SYNPR: variants seen among roughly 807,000 people sequenced by gnomAD.
The protein encoded by SYNPR is synaptoporin.
Under a neutral mutation model 32.9 loss-of-function variants are expected in SYNPR, and 23 were observed. That is an observed-to-expected ratio of 0.70 (90% CI 0.50 to 0.99). The LOEUF (loss-of-function observed/expected upper bound fraction) is 0.99, where lower values mean the gene tolerates loss of function less well. Among genes scored for constraint, SYNPR ranks in the 50% least tolerant of loss-of-function variants. SYNPR has a pLI of 0.00. For missense variants in SYNPR, 318 were observed against 349.3 expected (o/e 0.91, Z 0.71); for synonymous variants, 146 against 135.9 (o/e 1.07, Z -0.52).
chr3:63,361,875 G>A (rs1267284976), intron 2 of SYNPR, among the ~76,000 whole-genome samples: 2 of 151,930 alleles, frequency 1.3e-5, no homozygotes, highest in Non-Finnish European at 2.9e-5. Flanking sequence ...TAAGAAATTG[G>A]TGGCCTTATG....
At chr3:63,365,013 G>T (rs1465985357) in intron 2 of SYNPR, among the ~76,000 whole-genome samples, 1 of 152,152 alleles carries the variant, frequency 6.6e-6, no homozygotes, top group Non-Finnish European at 1.5e-5. Flanking sequence ...GTTGACTTTG[G>T]AGAGTCTAAA....
At chr3:63,205,023 C>T in the SYNPR span, among the ~76,000 whole-genome samples, 1 of 152,120 alleles carries the variant, frequency 6.6e-6, no homozygotes, top group Admixed American at 6.5e-5. Context: ...TGACTGTTCC[C>T]TCACCTCTGT....
chr3:63,277,829 G>A (rs1332495755), upstream of SYNPR, among the ~76,000 whole-genome samples: 1 of 152,108 alleles, frequency 6.6e-6, no homozygotes, highest in Non-Finnish European at 1.5e-5. Context: ...CCTGGGGGAA[G>A]TGACAATGCT....
intron 3 of SYNPR, among the ~76,000 whole-genome samples, chr3:63,513,616 A>C (rs1701738039): frequency 6.6e-6 from 1 of 152,158 alleles, no homozygotes; most frequent in South Asian, 2.1e-4. Flanking sequence ...TTTATTATTT[A>C]TTGTTCAACA....
In SYNPR at chr3:63,481,864, C is replaced by T. The variant is rs538279293; in HGVS notation, c.209+908C>T. On this transcript the variant is annotated intron_variant, in intron 3 of 5. Coordinates refer to ENST00000478300, the MANE Select transcript of SYNPR (RefSeq NM_001130003.2). ...ATGAAAACTGCCAATGGCCGGGCAGCGGGGCTGGGATGCTTGGTAACATTA... is the reference window on the plus strand; with the variant it reads ...ATGAAAACTGCCAATGGCCGGGCAGTGGGGCTGGGATGCTTGGTAACATTA... Among the ~76,000 whole-genome samples the T allele has an allele frequency of 9.2e-5, 14 of 152,162 alleles. No individual in the cohort carries two copies. The South Asian group carries it at 2.1e-3, about 23-fold the overall frequency.
intron 2 of SYNPR, among the ~76,000 whole-genome samples, chr3:63,450,010 G>T (rs1210173998): frequency 6.6e-6 from 1 of 152,102 alleles, no homozygotes; most frequent in Non-Finnish European, 1.5e-5. Flanking sequence ...CTATTTCATG[G>T]GGAAAAAGGT....
Position 63,364,015 on chromosome 3 carries a change from T to G in SYNPR, c.84+85273T>G, listed in dbSNP as rs538996898. The stretch of plus-strand genomic sequence containing the variant: ...ACCCCTGACGATGCAGATCCCCTGA[T>G]GTAGAAGGGTGAGAAAATATTAACA... On this transcript the variant is annotated intron_variant, in intron 2 of 5. Coordinates refer to ENST00000478300, the MANE Select transcript of SYNPR (RefSeq NM_001130003.2). Among the ~76,000 whole-genome samples the G allele has an allele frequency of 3.9e-5, 6 of 152,324 alleles. No individual in the cohort carries two copies. The East Asian group carries it at 1.2e-3, about 29-fold the overall frequency.
At chr3:63,211,517 T>A in the SYNPR span, among the ~76,000 whole-genome samples, 102 of 152,326 alleles carry the variant, frequency 6.7e-4, no homozygotes, top group African/African-American at 2.2e-3. Context: ...CTAATCCTGC[T>A]ATTATTTTGT....
chr3:63,292,959 C>T (rs1449994854), intron 2 of SYNPR, among the ~76,000 whole-genome samples: 1 of 152,120 alleles, frequency 6.6e-6, no homozygotes, highest in Non-Finnish European at 1.5e-5. Flanking sequence ...CCAGACACAC[C>T]ATAGCCTCAG....
At chr3:63,230,711 C>G (rs1421259490) in intron 1 of SYNPR, among the ~76,000 whole-genome samples, 1 of 152,100 alleles carries the variant, frequency 6.6e-6, no homozygotes, top group African/African-American at 2.4e-5. Flanking sequence ...CTCACCTGAG[C>G]CTCAATTTCA....
intron 1 of SYNPR, among the ~76,000 whole-genome samples, chr3:63,245,752 T>A: frequency 6.9e-6 from 1 of 144,642 alleles, no homozygotes; most frequent in African/African-American, 2.6e-5. Context: ...TGTGTGTGTG[T>A]GTGTGTGTGT....
intron 3 of SYNPR, among the ~76,000 whole-genome samples, chr3:63,500,265 A>C (rs1159955549): frequency 6.6e-6 from 1 of 152,188 alleles, no homozygotes; most frequent in Non-Finnish European, 1.5e-5. Flanking sequence ...AATAAAGAGC[A>C]GTCCTCTATG....
chr3:63,432,562 T>G (rs1700012609), intron 2 of SYNPR, among the ~76,000 whole-genome samples: 1 of 152,242 alleles, frequency 6.6e-6, no homozygotes, highest in African/African-American at 2.4e-5. Flanking sequence ...GGTGCATACA[T>G]TTCAACATTG....
At chr3:63,583,077 C>G (rs1452723875) in intron 4 of SYNPR, among the ~76,000 whole-genome samples, 1 of 152,000 alleles carries the variant, frequency 6.6e-6, no homozygotes, top group Admixed American at 6.6e-5. Flanking sequence ...AAGTTACAGA[C>G]TGAGGTGGTT....
At chr3:63,266,707 C>CAAA (rs10644651) in intron 2 of SYNPR, among the ~76,000 whole-genome samples, 7,892 of 120,372 alleles carry the variant, frequency 0.066, 819 homozygotes, top group African/African-American at 0.21. Flanking sequence ...AACTCCGTCT[C>CAAA]AAAAAAAAAA....
At chr3:63,206,063 C>A in the SYNPR span, among the ~76,000 whole-genome samples, 3 of 152,140 alleles carry the variant, frequency 2.0e-5, no homozygotes, top group Non-Finnish European at 4.4e-5. Flanking sequence ...AAATTTGTAG[C>A]CCCTGTTCCT....
chr3:63,259,522 A>T (rs1014841014), intron 2 of SYNPR, among the ~76,000 whole-genome samples: 4 of 152,320 alleles, frequency 2.6e-5, no homozygotes, highest in Admixed American at 2.6e-4. Flanking sequence ...AAAATTCAAC[A>T]GCCCTTCATG....
intron 2 of SYNPR, among the ~76,000 whole-genome samples, chr3:63,472,463 A>G (rs1700821121): frequency 6.6e-6 from 1 of 152,184 alleles, no homozygotes; most frequent in African/African-American, 2.4e-5. Flanking sequence ...AAAACTAAAT[A>G]TAATTATTTT....
intron 2 of SYNPR, among the ~76,000 whole-genome samples, chr3:63,429,897 T>C (rs965006244): frequency 2.6e-5 from 4 of 152,228 alleles, no homozygotes; most frequent in African/African-American, 4.8e-5. Context: ...CTTCTTCTAA[T>C]ATGCTGTCAA....
Sources: allele counts gnomAD v4.1 joint callset (sites outside exome capture counted in the v4.1 genomes callset), GRCh38; gene constraint gnomAD v4.1.1; transcripts MANE v1.5; gene names NCBI Gene and HGNC (gene_info 2026-07-23, HGNC 2026-07-21).